RANBP2: variants seen among roughly 807,000 people sequenced by gnomAD.
The protein encoded by RANBP2 is E3 SUMO-protein ligase RanBP2.
Under a neutral mutation model 303.6 loss-of-function variants are expected in RANBP2, and 57 were observed. The ratio of observed to expected loss-of-function variants is 0.19; its 90% CI spans 0.15 to 0.23. RANBP2 has a LOEUF of 0.23. RANBP2 is among the 10% of genes least tolerant of loss of function. RANBP2 has a pLI of 1.00. For synonymous variants in RANBP2, 1,167 were observed against 1,301.5 expected, an observed-to-expected ratio of 0.90 and a Z score of 2.23; for missense variants, 3,138 against 3,780.8, an observed-to-expected ratio of 0.83 and a Z score of 4.46.
the RANBP2 span, among the ~76,000 whole-genome samples, chr2:108,839,916 G>C: frequency 6.6e-6 from 1 of 151,554 alleles, no homozygotes; most frequent in Non-Finnish European, 1.5e-5. Context: ...CGAATATGAT[G>C]GTGAGAGTAG....
the RANBP2 span, among the ~76,000 whole-genome samples, chr2:108,863,201 TTTA>T: frequency 6.6e-6 from 1 of 152,218 alleles, no homozygotes; most frequent in Non-Finnish European, 1.5e-5. Flanking sequence ...TATTATGTTT[TTTA>T]TTATTTAGGA....
At chr2:108,929,452 T>C in the RANBP2 span, 1 of 1,504,138 alleles carries the variant, frequency 6.6e-7, no homozygotes, top group Non-Finnish European at 9.2e-7. Context: ...CCCACAGTCC[T>C]TGGGCAGTGA....
rs1695576375 is a variant in RANBP2, at chr2:108,736,237, A to T, written c.770A>T (p.Glu257Val). ...ACTAGAGATGTGCAGGAAAGTAGAGAATTACTGCAAAGGTACGTTGACTTT... is the reference window on the plus strand; with the variant it reads ...ACTAGAGATGTGCAGGAAAGTAGAGTATTACTGCAAAGGTACGTTGACTTT... ...LSTRDVQESR[E>V]LLQSFDSALQ... The change falls in exon 6 of 29, where the codon GAA becomes GTA. Residue 257 changes from glutamate to valine, a missense_variant. By Grantham distance (121) the Glu-to-Val change is moderately radical. Around this residue, in one of 20 missense-constraint regions of RANBP2, gnomAD observed 306 missense variants for 381.9 expected, o/e 0.80. Coordinates refer to ENST00000283195, the MANE Select transcript of RANBP2 (RefSeq NM_006267.5). 6.2e-7 allele frequency: 1 copy of T among 1,611,970 alleles called. No homozygotes were observed. Among genetic ancestry groups the T allele is most frequent in the East Asian group, 2.2e-5 (1 of 44,862 alleles).
At chr2:108,873,135 A>G in the RANBP2 span, among the ~76,000 whole-genome samples, 2 of 152,140 alleles carry the variant, frequency 1.3e-5, no homozygotes, top group Non-Finnish European at 2.9e-5. Context: ...TATAGTATTT[A>G]AACTGAACTT....
At chr2:109,129,328 GC>G in the RANBP2 span, 1 of 1,288 alleles carries the variant, frequency 7.8e-4, no homozygotes, top group Non-Finnish European at 0.045. Context: ...GGCTCGGCTG[GC>G]CGGTCCCCGC....
the RANBP2 span, among the ~76,000 whole-genome samples, chr2:108,909,967 T>C: frequency 6.6e-6 from 1 of 152,222 alleles, no homozygotes; most frequent in Non-Finnish European, 1.5e-5. Flanking sequence ...ACAAGCACCT[T>C]GCTCCTGGGC....
chr2:109,060,545 C>G, the RANBP2 span, among the ~76,000 whole-genome samples: 1 of 152,200 alleles, frequency 6.6e-6, no homozygotes, highest in Non-Finnish European at 1.5e-5. Context: ...GTTTTAAGAA[C>G]CTTGTGAATA....
chr2:109,685,927 A>C, the RANBP2 span, among the ~76,000 whole-genome samples: 1 of 152,120 alleles, frequency 6.6e-6, no homozygotes, highest in Admixed American at 6.6e-5. Context: ...AAACCCCCCC[A>C]AAAAACAAAA....
At chr2:109,583,396 A>G in the RANBP2 span, among the ~76,000 whole-genome samples, 1 of 152,246 alleles carries the variant, frequency 6.6e-6, no homozygotes, top group East Asian at 1.9e-4. Flanking sequence ...AACGCTCAAC[A>G]TAACTCATCA....
At chr2:109,591,527 T>C in the RANBP2 span, among the ~76,000 whole-genome samples, 38 of 152,154 alleles carry the variant, frequency 2.5e-4, no homozygotes, top group Admixed American at 7.9e-4. Flanking sequence ...GTTAGTACCA[T>C]TGATATATGG....
chr2:109,129,512 C>G, the RANBP2 span: 3 of 1,494,966 alleles, frequency 2.0e-6, no homozygotes, highest in African/African-American at 2.9e-5. Context: ...CCTAGGCAGC[C>G]GCGCGAGACC....
At chr2:109,765,583 TG>T in the RANBP2 span, among the ~76,000 whole-genome samples, 2 of 149,866 alleles carry the variant, frequency 1.3e-5, no homozygotes, top group African/African-American at 4.9e-5. Flanking sequence ...ATATTCATGG[TG>T]GGGTGGCATT....
the RANBP2 span, among the ~76,000 whole-genome samples, chr2:109,446,884 G>A: frequency 2.2e-4 from 34 of 152,238 alleles, no homozygotes; most frequent in African/African-American, 6.0e-4. Flanking sequence ...CAGTCCCAAC[G>A]CCGAGGGCCA....
At chr2:108,959,328 T>C in the RANBP2 span, among the ~76,000 whole-genome samples, 1 of 152,176 alleles carries the variant, frequency 6.6e-6, no homozygotes, top group East Asian at 1.9e-4. Flanking sequence ...GACCTGGTGT[T>C]GGAGATTTGT....
the RANBP2 span, chr2:108,908,038 T>A: frequency 6.2e-7 from 1 of 1,602,368 alleles, no homozygotes; most frequent in Non-Finnish European, 8.5e-7. Context: ...ACAAGAGCGA[T>A]GGTCATTAGC....
chr2:109,266,378 A>G, the RANBP2 span, among the ~76,000 whole-genome samples: 1 of 151,834 alleles, frequency 6.6e-6, no homozygotes, highest in African/African-American at 2.4e-5. Context: ...ATCTGACAAG[A>G]GGCTGCCCCA....
chr2:109,006,620 T>A, the RANBP2 span, among the ~76,000 whole-genome samples: 1 of 152,212 alleles, frequency 6.6e-6, no homozygotes, highest in Admixed American at 6.5e-5. Flanking sequence ...GGGGTTCTGC[T>A]TTTGGCCTAG....
the RANBP2 span, among the ~76,000 whole-genome samples, chr2:109,566,781 T>C: frequency 6.6e-6 from 1 of 152,086 alleles, no homozygotes; most frequent in South Asian, 2.1e-4. Flanking sequence ...CTGAACAAAA[T>C]GCAATAGCTA....
chr2:109,344,740 A>C, the RANBP2 span, among the ~76,000 whole-genome samples: 3 of 152,262 alleles, frequency 2.0e-5, no homozygotes, highest in African/African-American at 7.2e-5. Context: ...TGCCCAGGCC[A>C]AGGGAAAGGG....
Sources: gnomAD v4.1 joint callset for allele counts (sites outside exome capture counted in the v4.1 genomes callset) on GRCh38, gnomAD v4.1.1 for gene constraint, gnomAD v4.1.1 regional missense constraint, MANE v1.5 for transcripts, NCBI Gene and HGNC (gene_info 2026-07-23, HGNC 2026-07-21) for gene names.